Variants in PLXDC1 observed in about 807,000 individuals in gnomAD.
PLXDC1 encodes the protein plexin domain containing 1.
Under a neutral mutation model 61.3 loss-of-function variants are expected in PLXDC1, and 39 were observed. The ratio of observed to expected loss-of-function variants is 0.64; its 90% confidence interval spans 0.49 to 0.83. The LOEUF (loss-of-function observed/expected upper bound fraction) is 0.83, where lower values mean the gene tolerates loss of function less well. Among genes scored for constraint, PLXDC1 ranks in the 40% least tolerant of loss-of-function variants. The pLI is 0.00. For missense variants in PLXDC1, 596 were observed against 666.5 expected (o/e 0.89, Z 1.17); for synonymous variants, 212 against 254.5 (o/e 0.83, Z 1.59).
chr17:39,082,564 A>C (rs533625754), intron 9 of PLXDC1, among the ~76,000 whole-genome samples: 5 of 7,126 alleles, frequency 7.0e-4, no homozygotes, highest in African/African-American at 1.6e-3. Context: ...AAACTCTCTC[A>C]AAAAAAAAAA....
Position 39,067,812 on chromosome 17 carries a change from A to T in PLXDC1, c.*28T>A, listed in dbSNP as rs767868379. On this transcript the variant is annotated 3_prime_UTR_variant, in exon 14 of 14. Coordinates refer to ENST00000315392, the MANE Select transcript of PLXDC1 (RefSeq NM_020405.5). ...TTTAACTGTCTTTTCTGTGGCCTCA[A>T]AGTCTTCAAAGGGGAGACTTGGTGT... The T allele has an allele frequency of 4.4e-6, 7 of 1,593,746 alleles. No homozygotes were observed. In the East Asian group the frequency reaches 1.6e-4, roughly 36 times the overall value.
intron 4 of PLXDC1, chr17:39,108,627 C>T (rs1012444581): frequency 1.9e-5 from 10 of 531,366 alleles, no homozygotes; most frequent in Non-Finnish European, 2.7e-5. Flanking sequence ...CTCCCTCTCC[C>T]TCTTATTCAG....
intron 2 of PLXDC1, among the ~76,000 whole-genome samples, chr17:39,126,006 C>A (rs192908247): frequency 2.0e-5 from 3 of 152,278 alleles, no homozygotes; most frequent in East Asian, 1.9e-4. Context: ...GTAATCCCAG[C>A]ACTTTGGGAG....
At chr17:39,109,453 C>G (rs1910718964) in intron 2 of PLXDC1, 62 bp from the exon 3 acceptor site, 1 of 1,521,384 alleles carries the variant, frequency 6.6e-7, no homozygotes, top group South Asian at 1.2e-5. Context: ...AGGACTGACT[C>G]TCCGCCCTTC....
At position 39,109,256 on chromosome 17, in the gene PLXDC1, G is replaced by GC. The variant is rs748221938; in HGVS notation, c.390dup (p.Gln131AlafsTer10). 6.2e-7 allele frequency: 1 copy of GC among 1,605,958 alleles called. No homozygotes were observed. Among genetic ancestry groups the GC allele is most frequent in the South Asian group, 1.1e-5 (1 of 90,272 alleles). Reference sequence around the variant, plus strand: ...GCGACTGGGGCACTCACCGAAGCCTGCCGGTGGGTGTTGGAGAGTATTGTG... The same window carrying GC: ...GCGACTGGGGCACTCACCGAAGCCTGCCCGGTGGGTGTTGGAGAGTATTGTG... On this transcript the variant is annotated frameshift_variant, in exon 3 of 14. Coordinates refer to ENST00000315392, the MANE Select transcript of PLXDC1 (RefSeq NM_020405.5). LOFTEE classifies it high-confidence loss of function.
chr17:39,115,677 T>G (rs1910943997), intron 2 of PLXDC1, among the ~76,000 whole-genome samples: 1 of 151,864 alleles, frequency 6.6e-6, no homozygotes, highest in Admixed American at 6.6e-5. Flanking sequence ...TTTGGGAGCG[T>G]GGGAGGAAGG....
intron 9 of PLXDC1, chr17:39,080,204 GA>G (rs1483581913): frequency 6.5e-6 from 1 of 152,902 alleles, no homozygotes; most frequent in African/African-American, 2.4e-5. Context: ...TTGAGCCCAG[GA>G]ATTTAAGGCT....
chr17:39,120,091 T>G (rs138831914), intron 2 of PLXDC1, among the ~76,000 whole-genome samples: 23 of 152,290 alleles, frequency 1.5e-4, no homozygotes, highest in African/African-American at 4.8e-4. Context: ...AAAGAGGACC[T>G]AAGGCCATGA....
At position 39,068,101 on chromosome 17, in the gene PLXDC1, C is replaced by A. The variant is rs115744025; in HGVS notation, c.1384-142G>T. On this transcript the variant is annotated intron_variant, in intron 13 of 13. Transcript: ENST00000315392. The stretch of plus-strand genomic sequence containing the variant: ...GGCCTACCAGGAGCCACACAACTGA[C>A]CTTCAGGGACCCTCTCCCTAAAATG... 2.4e-3 allele frequency: 1,632 copies of A among 688,426 alleles called. 27 individuals carry two copies. The African/African-American group carries it at 0.026, about 11-fold the overall frequency. 42.6% of individuals were successfully genotyped at this position (688,426 alleles called of 1,614,324 possible). A position where few individuals can be genotyped will look rare whatever the true frequency, so the allele number is the denominator to read the frequency against.
rs1331318389 is a variant in PLXDC1 at position 39,064,058 on chromosome 17, C to G, written c.*3782G>C. ...GCACAGCTACAACCTTGTCCAATCT[C>G]TTTAGCAACAAAATACCTGTGTGTG... On this transcript the variant is annotated 3_prime_UTR_variant, in exon 14 of 14. Transcript: ENST00000315392. 1 of 155,730 alleles carries G rather than the reference C, an allele frequency of 6.4e-6. No homozygotes were observed. The highest frequency in any genetic ancestry group is 1.4e-5 in the Non-Finnish European group (1 of 70,028). The allele number at this position is 155,730 out of a possible 1,614,324, so 9.6% of individuals were successfully genotyped here.
At chr17:39,134,068 T>C (rs548352107) in intron 2 of PLXDC1, among the ~76,000 whole-genome samples, 707 of 151,898 alleles carry the variant, frequency 4.7e-3, no homozygotes, top group Non-Finnish European at 8.1e-3. Context: ...CCATCCTGGC[T>C]AACACGGTGA....
chr17:39,096,452 A>G (rs1398686163), intron 7 of PLXDC1, among the ~76,000 whole-genome samples: 1 of 152,224 alleles, frequency 6.6e-6, no homozygotes, highest in Non-Finnish European at 1.5e-5. Context: ...CCAGATCCTC[A>G]GCTTCTCCCT....
intron 4 of PLXDC1, chr17:39,108,565 G>A: frequency 2.0e-6 from 1 of 505,856 alleles, no homozygotes; most frequent in Non-Finnish European, 3.6e-6. Flanking sequence ...AAAGACAGGT[G>A]CCTCCTATCA....
intron 11 of PLXDC1, among the ~76,000 whole-genome samples, chr17:39,074,296 G>T (rs1217914669): frequency 6.6e-6 from 1 of 152,136 alleles, no homozygotes; most frequent in Non-Finnish European, 1.5e-5. Flanking sequence ...TTGAGCCCAG[G>T]AGTTCAAGTC....
intron 2 of PLXDC1, among the ~76,000 whole-genome samples, chr17:39,126,178 C>T (rs1437592726): frequency 2.0e-5 from 3 of 152,100 alleles, no homozygotes; most frequent in African/African-American, 7.2e-5. Context: ...CGCTTGAACC[C>T]AGGAGGTGGA....
intron 1 of PLXDC1, among the ~76,000 whole-genome samples, chr17:39,141,134 A>T (rs147395383): frequency 2.3e-4 from 35 of 152,264 alleles, no homozygotes; most frequent in Non-Finnish European, 4.0e-4. Context: ...GGCTCATGCG[A>T]TCCTCCCACC....
At chr17:39,070,116 A>G in intron 12 of PLXDC1, 100 bp from the exon 13 acceptor site, 2 of 862,778 alleles carry the variant, frequency 2.3e-6, no homozygotes. Context: ...ATGAAAGCCG[A>G]CAGAGCCTTT....
At chr17:39,097,855 T>C (rs1183529537) in intron 7 of PLXDC1, among the ~76,000 whole-genome samples, 2 of 149,432 alleles carry the variant, frequency 1.3e-5, no homozygotes, top group Non-Finnish European at 3.0e-5. Context: ...TGAGCTATGA[T>C]TGTGCTACTG....
intron 2 of PLXDC1, among the ~76,000 whole-genome samples, chr17:39,121,848 C>A (rs1373363848): frequency 6.6e-6 from 1 of 152,106 alleles, no homozygotes; most frequent in African/African-American, 2.4e-5. Flanking sequence ...CGGAGGCTCA[C>A]CCCTTTGGGA....
Sources: gnomAD v4.1 joint callset for allele counts (sites outside exome capture counted in the v4.1 genomes callset) on GRCh38, gnomAD v4.1.1 for gene constraint, MANE v1.5 for transcripts, NCBI Gene and HGNC (gene_info 2026-07-23, HGNC 2026-07-21) for gene names.